Variants in TEAD4 observed in about 807,000 individuals in gnomAD.
TEAD4 encodes transcriptional enhancer factor TEF-3.
Under a neutral mutation model 52.4 loss-of-function variants are expected in TEAD4, and 36 were observed. The observed-to-expected ratio is 0.69, with a 90% CI of 0.53 to 0.91. TEAD4 has a LOEUF of 0.91. Among genes scored for constraint, TEAD4 ranks in the 40% least tolerant of loss-of-function variants. TEAD4 has a pLI of 0.00. For missense variants in TEAD4, 508 were observed against 583.9 expected (o/e 0.87, Z 1.34); for synonymous variants, 220 against 231.0 (o/e 0.95, Z 0.43).
chr12:3,014,007 C>G (rs2098262456), intron 5 of TEAD4, among the ~76,000 whole-genome samples: 1 of 152,224 alleles, frequency 6.6e-6, no homozygotes, highest in Non-Finnish European at 1.5e-5. Context: ...ACAGACCTTT[C>G]TGCCTCCTAG....
intron 7 of TEAD4, among the ~76,000 whole-genome samples, chr12:3,018,846 C>G (rs1250065444): frequency 6.6e-6 from 1 of 152,108 alleles, no homozygotes; most frequent in Non-Finnish European, 1.5e-5. Flanking sequence ...GAGCTGGGGT[C>G]CCCCAGGGGA....
intron 10 of TEAD4, among the ~76,000 whole-genome samples, chr12:3,033,612 A>G (rs970096232): frequency 6.6e-6 from 1 of 152,116 alleles, no homozygotes; most frequent in African/African-American, 2.4e-5. Context: ...GCACATGACA[A>G]TGAATCTGAG....
At chr12:2,996,278 C>T (rs949649641) in intron 3 of TEAD4, among the ~76,000 whole-genome samples, 1 of 152,174 alleles carries the variant, frequency 6.6e-6, no homozygotes, top group Non-Finnish European at 1.5e-5. Context: ...CTGGTGCCAC[C>T]CCCACCATTG....
chr12:3,017,730 C>T (rs1015755830), intron 6 of TEAD4, among the ~76,000 whole-genome samples: 2 of 152,188 alleles, frequency 1.3e-5, no homozygotes, highest in Admixed American at 1.3e-4. Flanking sequence ...TCTTGGGGTC[C>T]TCGGCAATGA....
chr12:3,001,074 T>C (rs565786292), intron 3 of TEAD4, among the ~76,000 whole-genome samples: 12 of 152,336 alleles, frequency 7.9e-5, no homozygotes, highest in South Asian at 4.1e-4. Flanking sequence ...GCCTGGAGAC[T>C]TGATGACGGG....
intron 10 of TEAD4, 51 bp downstream of exon 10, chr12:3,022,068 T>G: frequency 1.2e-6 from 2 of 1,600,134 alleles, no homozygotes; most frequent in South Asian, 2.3e-5. Context: ...TCCGTGGTAG[T>G]GAGAACGGGG....
At chr12:2,965,765 T>C (rs112214935) in intron 2 of TEAD4, among the ~76,000 whole-genome samples, 6,620 of 152,072 alleles carry the variant, frequency 0.044, 473 homozygotes, top group African/African-American at 0.15. Flanking sequence ...AGGATGGTCT[T>C]GATCTCTCTA....
chr12:3,009,096 G>A (rs1031199447), intron 3 of TEAD4, among the ~76,000 whole-genome samples: 3 of 152,228 alleles, frequency 2.0e-5, no homozygotes, highest in African/African-American at 7.2e-5. Flanking sequence ...AAATTTGGAA[G>A]AATCTGCGGG....
intron 2 of TEAD4, among the ~76,000 whole-genome samples, chr12:2,989,899 G>C (rs999282587): frequency 9.2e-5 from 14 of 152,208 alleles, no homozygotes; most frequent in African/African-American, 3.1e-4. Flanking sequence ...CATGGTTCCT[G>C]AATTATTGGA....
chr12:2,995,692 A>C (rs1256455669), intron 3 of TEAD4, among the ~76,000 whole-genome samples: 2 of 152,082 alleles, frequency 1.3e-5, no homozygotes, highest in Non-Finnish European at 2.9e-5. Context: ...TTTGGATGGA[A>C]GAGGGGGCAT....
rs766365802 is a variant in TEAD4 at position 3,019,123 on chromosome 12, C to G, written c.536C>G (p.Pro179Arg). The change falls in exon 8 of 13, where the codon CCT (proline) becomes CGT (arginine). Residue 179 changes from proline (P) to arginine (R), a missense_variant. Physicochemically the swap from Pro to Arg is moderately radical, Grantham distance 103. Transcript: ENST00000359864. ...TCCTCTCTCTCCCGCAGTGTGAAGC[C>G]TTTCTCTCAGCAAACCTATGCTGTC... 7 of 1,614,098 alleles carry G rather than the reference C, an allele frequency of 4.3e-6. No individual in the cohort carries two copies. Among genetic ancestry groups the G allele is most frequent in the African/African-American group, 1.3e-5 (1 of 75,054 alleles).
In TEAD4 at chr12:2,990,461, C is replaced by CTTTTTTTTTTTTTTTTTTTTTTTT. The variant is rs71057876; in HGVS notation, c.-29-4273_-29-4250dup. On this transcript the variant is annotated intron_variant, in intron 2 of 12. Coordinates refer to ENST00000359864, the MANE Select transcript of TEAD4 (RefSeq NM_003213.4). ...TAGAATTTAGGCTAAGACAGATAAT[C>CTTTTTTTTTTTTTTTTTTTTTTTT]TTTTTTTTTTTTTTTTTTTTTTTTT... is the stretch of plus-strand genomic sequence containing the variant. Among the ~76,000 whole-genome samples the CTTTTTTTTTTTTTTTTTTTTTTTT allele has an allele frequency of 9.0e-5, 6 of 67,000 alleles. 2 individuals carry two copies. Among genetic ancestry groups the CTTTTTTTTTTTTTTTTTTTTTTTT allele is most frequent in the African/African-American group, 3.5e-4 (6 of 16,996 alleles). 44.0% of individuals were successfully genotyped at this position (67,000 alleles called of 152,430 possible).
At chr12:3,016,180 A>G (rs1043118879) in intron 5 of TEAD4, among the ~76,000 whole-genome samples, 36 of 152,138 alleles carry the variant, frequency 2.4e-4, no homozygotes, top group African/African-American at 8.7e-4. Context: ...GGCACACACC[A>G]CCACACCTGG....
chr12:3,007,028 A>G (rs1399013558), intron 3 of TEAD4, among the ~76,000 whole-genome samples: 1 of 152,170 alleles, frequency 6.6e-6, no homozygotes, highest in Non-Finnish European at 1.5e-5. Context: ...CCCTCTCAAA[A>G]CAAAACAAAA....
intron 2 of TEAD4, among the ~76,000 whole-genome samples, chr12:2,985,969 C>A (rs1751471191): frequency 6.6e-6 from 1 of 151,970 alleles, no homozygotes; most frequent in Admixed American, 6.6e-5. Context: ...TGCCTGTAAT[C>A]CCAGCTACTG....
chr12:2,995,049 C>T, intron 3 of TEAD4, 57 bp downstream of exon 3: 3 of 1,570,368 alleles, frequency 1.9e-6, no homozygotes, highest in South Asian at 1.2e-5. Flanking sequence ...GGGCCGACAC[C>T]AGAACCTTGG....
chr12:2,988,991 T>G (rs1022963593), intron 2 of TEAD4, among the ~76,000 whole-genome samples: 4 of 152,200 alleles, frequency 2.6e-5, no homozygotes, highest in African/African-American at 9.6e-5. Context: ...AGATAGTGTT[T>G]CTCTGAGTTC....
rs565149149 is a variant in TEAD4, at chr12:2,999,755, G to C, written c.226+4763G>C. On this transcript the variant is annotated intron_variant, in intron 3 of 12. Coordinates refer to ENST00000359864, the MANE Select transcript of TEAD4 (RefSeq NM_003213.4). ...CACAGTCGGCCTAGCCTAGCGTGCAGGTGGTGGGATTCGAACAACTTCTCG... is the reference window on the plus strand; with the variant it reads ...CACAGTCGGCCTAGCCTAGCGTGCACGTGGTGGGATTCGAACAACTTCTCG... Among the ~76,000 whole-genome samples the C allele has an allele frequency of 2.6e-5, 4 of 152,336 alleles. No individual in the cohort carries two copies. The East Asian group carries it at 7.7e-4, about 29-fold the overall frequency.
intron 2 of TEAD4, among the ~76,000 whole-genome samples, chr12:2,971,818 T>C (rs1288885664): frequency 1.4e-4 from 20 of 142,836 alleles, no homozygotes; most frequent in Non-Finnish European, 2.0e-4. Flanking sequence ...TTCTTTCTTT[T>C]TTTTTTTTTT....
Sources: allele counts gnomAD v4.1 joint callset (sites outside exome capture counted in the v4.1 genomes callset), GRCh38; gene constraint gnomAD v4.1.1; transcripts MANE v1.5; gene names NCBI Gene and HGNC (gene_info 2026-07-23, HGNC 2026-07-21).